GRAMD1B: variants seen among roughly 807,000 people sequenced by gnomAD.
GRAMD1B encodes protein Aster-B.
Under a neutral mutation model 99.7 loss-of-function variants are expected in GRAMD1B, and 37 were observed. The ratio of observed to expected loss-of-function variants is 0.37; its 90% CI spans 0.29 to 0.49. GRAMD1B has a LOEUF of 0.49. Ranked by LOEUF, GRAMD1B falls within the 20% of genes least tolerant of loss-of-function variation. The pLI is 0.98. For synonymous variants in GRAMD1B, 427 were observed against 387.6 expected, an observed-to-expected ratio of 1.10 and a Z score of -1.19; for missense variants, 888 against 1,009.2, an observed-to-expected ratio of 0.88 and a Z score of 1.63.
chr11:123,617,032 C>T (rs113366369), intron 17 of GRAMD1B, among the ~76,000 whole-genome samples: 2,012 of 152,336 alleles, frequency 0.013, 14 homozygotes, highest in Non-Finnish European at 0.022. Context: ...CTACCTTCCA[C>T]AGTACCAGAA....
intron 1 of GRAMD1B, among the ~76,000 whole-genome samples, chr11:123,370,635 C>T (rs568418406): frequency 3.0e-4 from 46 of 152,118 alleles, no homozygotes; most frequent in Admixed American, 9.8e-4. Flanking sequence ...CCACTGCACC[C>T]GCCTTCAAGA....
At chr11:123,594,495 A>G (rs549987910) in intron 5 of GRAMD1B, among the ~76,000 whole-genome samples, 1 of 152,282 alleles carries the variant, frequency 6.6e-6, no homozygotes, top group South Asian at 2.1e-4. Flanking sequence ...TCCTTGGCCC[A>G]CTTTGCCTTC....
intron 18 of GRAMD1B, 130 bp downstream of exon 18, chr11:123,618,930 A>C: frequency 2.8e-6 from 2 of 710,916 alleles, no homozygotes; most frequent in African/African-American, 3.5e-5. Context: ...AGGGAAACTC[A>C]GAATCTCTCC....
intron 1 of GRAMD1B, among the ~76,000 whole-genome samples, chr11:123,446,684 G>T (rs1174948807): frequency 1.3e-5 from 2 of 152,146 alleles, no homozygotes; most frequent in Non-Finnish European, 2.9e-5. Context: ...TGAAAATGCA[G>T]ATAACTCAGG....
intron 1 of GRAMD1B, among the ~76,000 whole-genome samples, chr11:123,378,908 G>A (rs1946779825): frequency 6.6e-6 from 1 of 152,204 alleles, no homozygotes; most frequent in Non-Finnish European, 1.5e-5. Context: ...TGTAACAGGT[G>A]TGACAGGCCA....
intron 1 of GRAMD1B, among the ~76,000 whole-genome samples, chr11:123,469,376 T>C (rs762786512): frequency 5.3e-5 from 8 of 152,060 alleles, no homozygotes; most frequent in Non-Finnish European, 1.2e-4. Flanking sequence ...AAGAGCCTAT[T>C]AAAGTAATCT....
At chr11:123,368,095 A>T (rs868048724) in intron 1 of GRAMD1B, among the ~76,000 whole-genome samples, 3 of 151,632 alleles carry the variant, frequency 2.0e-5, no homozygotes, top group Non-Finnish European at 4.4e-5. Flanking sequence ...CTCTACTAAA[A>T]ATACAAAAAT....
chr11:123,363,474 C>T (rs1946213502), intron 1 of GRAMD1B, among the ~76,000 whole-genome samples: 1 of 152,216 alleles, frequency 6.6e-6, no homozygotes, highest in Non-Finnish European at 1.5e-5. Flanking sequence ...AGAAAGGAAC[C>T]TTGTTCTCTG....
At chr11:123,545,535 G>A (rs753149642) in intron 2 of GRAMD1B, among the ~76,000 whole-genome samples, 1 of 152,096 alleles carries the variant, frequency 6.6e-6, no homozygotes, top group African/African-American at 2.4e-5. Flanking sequence ...CAGGCCCCTG[G>A]GTTTGAATCC....
intron 1 of GRAMD1B, among the ~76,000 whole-genome samples, chr11:123,387,845 C>T (rs924471103): frequency 2.0e-5 from 3 of 151,918 alleles, no homozygotes; most frequent in Admixed American, 1.3e-4. Context: ...TATGGTTGGC[C>T]GGGTGTGGTG....
chr11:123,419,941 A>G, intron 1 of GRAMD1B, among the ~76,000 whole-genome samples: 1 of 152,114 alleles, frequency 6.6e-6, no homozygotes, highest in East Asian at 1.9e-4. Context: ...CCAAGGTCCA[A>G]GGTCCTGCAT....
chr11:123,432,045 C>G, intron 1 of GRAMD1B: 1 of 398,626 alleles, frequency 2.5e-6, no homozygotes, highest in Middle Eastern at 6.3e-4. Flanking sequence ...GATTTGTGTT[C>G]TTGTGCGGAG....
chr11:123,507,594 TA>T (rs531703850), intron 2 of GRAMD1B, among the ~76,000 whole-genome samples: 346 of 152,326 alleles, frequency 2.3e-3, no homozygotes, highest in African/African-American at 7.8e-3. Flanking sequence ...TCAGAGTAGT[TA>T]AATTAAAATA....
intron 1 of GRAMD1B, among the ~76,000 whole-genome samples, chr11:123,375,405 A>T (rs185637192): frequency 6.6e-6 from 1 of 152,328 alleles, no homozygotes; most frequent in African/African-American, 2.4e-5. Context: ...TTAAATAAAA[A>T]AAAAAGAGAG....
intron 2 of GRAMD1B, among the ~76,000 whole-genome samples, chr11:123,571,401 G>A (rs1432104025): frequency 6.6e-6 from 1 of 152,178 alleles, no homozygotes; most frequent in Non-Finnish European, 1.5e-5. Flanking sequence ...AAGAAAGCCT[G>A]AAGAGAGTCC....
chr11:123,381,112 A>G (rs1465001402), intron 1 of GRAMD1B, among the ~76,000 whole-genome samples: 1 of 152,000 alleles, frequency 6.6e-6, no homozygotes, highest in Non-Finnish European at 1.5e-5. Context: ...GGGCTCTGGG[A>G]GTGTCTCCCT....
intron 3 of GRAMD1B, among the ~76,000 whole-genome samples, chr11:123,583,188 GTA>G (rs767588562): frequency 4.6e-5 from 7 of 151,750 alleles, no homozygotes; most frequent in South Asian, 2.1e-4. Context: ...ATGTGTTTGT[GTA>G]TATGTGTGTG....
chr11:123,601,672 C>A (rs1246820752), intron 8 of GRAMD1B, among the ~76,000 whole-genome samples: 3 of 152,088 alleles, frequency 2.0e-5, no homozygotes, highest in Admixed American at 1.3e-4. Flanking sequence ...AGAGTCTGTA[C>A]CCCTAGTATC....
intron 2 of GRAMD1B, among the ~76,000 whole-genome samples, chr11:123,491,286 T>C (rs1313676270): frequency 6.6e-6 from 1 of 152,164 alleles, no homozygotes; most frequent in South Asian, 2.1e-4. Context: ...AGGAAGTCTT[T>C]TCAATTTTGC....
Sources: allele counts gnomAD v4.1 joint callset (sites outside exome capture counted in the v4.1 genomes callset), GRCh38; gene constraint gnomAD v4.1.1; transcripts MANE v1.5; gene names NCBI Gene and HGNC (gene_info 2026-07-23, HGNC 2026-07-21).